The following SORCS2 variants were observed in gnomAD, a reference collection of about 807,000 sequenced individuals.
The protein encoded by SORCS2 is VPS10 domain-containing receptor SorCS2.
A neutral mutation model predicts 141.6 loss-of-function variants in SORCS2; 100 were observed. That is an observed-to-expected ratio of 0.71 (90% CI 0.60 to 0.83). The LOEUF (loss-of-function observed/expected upper bound fraction) is 0.83, where lower values mean the gene tolerates loss of function less well. Among genes scored for constraint, SORCS2 ranks in the 40% least tolerant of loss-of-function variants. The pLI, the probability that SORCS2 is intolerant of heterozygous loss-of-function variation, is 0.00. For missense variants in SORCS2, 1,646 were observed against 1,560.2 expected, an observed-to-expected ratio of 1.05 and a Z score of -0.93; for synonymous variants, 789 against 676.9, an observed-to-expected ratio of 1.17 and a Z score of -2.57.
intron 1 of SORCS2, among the ~76,000 whole-genome samples, chr4:7,210,285 C>T (rs1439270387): frequency 2.0e-5 from 3 of 152,130 alleles, no homozygotes; most frequent in Admixed American, 1.3e-4. Flanking sequence ...CCCTTATTAT[C>T]ACCATTATTT....
rs1405849447 is a variant in SORCS2, at chr4:7,192,709, C to A, written c.63C>A (p.Ser21Arg). The change falls in exon 1 of 27, where the codon AGC becomes AGA. Residue 21 changes from serine (S) to arginine (R), a missense_variant. Coordinates refer to ENST00000507866, the MANE Select transcript of SORCS2 (RefSeq NM_020777.3). The surrounding 1 kb of genome is among the most constrained non-coding windows in gnomAD (Gnocchi z 4.0). ...CCGGCCCCACCGCCCGAGCCCCGAG[C>A]CCCGGGGCTCCGCCGCCGCCGCGCT... Reference protein sequence around the residue: ...KGPGPTARAPSPGAPPPPRSP... With the variant: ...KGPGPTARAPRPGAPPPPRSP... 2 of 989,322 alleles carry A rather than the reference C, an allele frequency of 2.0e-6. No individual in the cohort carries two copies. The highest frequency in any genetic ancestry group is 9.0e-5 in the South Asian group (2 of 22,198). 61.3% of individuals were successfully genotyped at this position (989,322 alleles called of 1,614,324 possible).
At chr4:7,393,685 G>A (rs1371296345) in intron 1 of SORCS2, among the ~76,000 whole-genome samples, 2 of 152,180 alleles carry the variant, frequency 1.3e-5, no homozygotes, top group Non-Finnish European at 2.9e-5. Context: ...CATTGCGGGG[G>A]TTGCTGTAAC....
intron 1 of SORCS2, among the ~76,000 whole-genome samples, chr4:7,388,250 C>T (rs954918437): frequency 3.2e-4 from 48 of 152,318 alleles, no homozygotes; most frequent in Admixed American, 1.8e-3. Flanking sequence ...GCTGCAGTGA[C>T]TGGGAGGACA....
intron 19 of SORCS2, among the ~76,000 whole-genome samples, chr4:7,724,116 TGGTGGTGGTGGTGGTGGTGGTGGTG>T (rs1340477510): frequency 1.8e-4 from 13 of 73,314 alleles, no homozygotes; most frequent in Non-Finnish European, 3.0e-4. Context: ...GTGGTGGTGA[TGGTGGTGGTGGTGGTGGTGGTGGTG>T]ATGGTCGTGG....
intron 2 of SORCS2, among the ~76,000 whole-genome samples, chr4:7,424,614 C>T (rs962356535): frequency 4.6e-5 from 7 of 152,168 alleles, no homozygotes; most frequent in Non-Finnish European, 1.0e-4. Flanking sequence ...GGCAGGAGCG[C>T]CCCCCTCTGC....
intron 19 of SORCS2, among the ~76,000 whole-genome samples, chr4:7,724,147 C>CAGTACTG (rs1726821621): frequency 5.4e-5 from 6 of 110,518 alleles, no homozygotes; most frequent in African/African-American, 2.3e-4. Context: ...TGGTGATGGT[C>CAGTACTG]GTGGTGGTGG....
chr4:7,371,721 C>T (rs1405288232), intron 1 of SORCS2, among the ~76,000 whole-genome samples: 2 of 152,192 alleles, frequency 1.3e-5, no homozygotes, highest in Non-Finnish European at 2.9e-5. Flanking sequence ...TACACACTGA[C>T]CCCGGGAGCC....
chr4:7,387,533 A>G (rs1723469873), intron 1 of SORCS2, among the ~76,000 whole-genome samples: 1 of 140,104 alleles, frequency 7.1e-6, no homozygotes, highest in African/African-American at 2.8e-5. Context: ...ATATGCACAC[A>G]TGCACACACA....
chr4:7,303,778 C>A (rs1362838770), intron 1 of SORCS2, among the ~76,000 whole-genome samples: 1 of 152,272 alleles, frequency 6.6e-6, no homozygotes, highest in Non-Finnish European at 1.5e-5. Context: ...AAGGCCAAGT[C>A]AGAGCGCAGG....
chr4:7,670,539 T>A (rs1318397931), intron 8 of SORCS2, among the ~76,000 whole-genome samples: 1 of 152,148 alleles, frequency 6.6e-6, no homozygotes, highest in African/African-American at 2.4e-5. Context: ...GACATCAGGA[T>A]CAGGTAAGAT....
At position 7,460,372 on chromosome 4, in the gene SORCS2, C is replaced by T. The variant is rs73093606; in HGVS notation, c.548+64017C>T. Among the ~76,000 whole-genome samples the T allele has an allele frequency of 7.5e-3, 1,138 of 152,370 alleles. 10 individuals carry two copies. Among genetic ancestry groups the T allele is most frequent in the Middle Eastern group, 0.024 (7 of 294 alleles). On this transcript the variant is annotated intron_variant, in intron 2 of 26. Transcript: ENST00000507866. Reference sequence around the variant, plus strand: ...TGGCCAACGCAGCTTCCACGGGCCCCTGCACACTTCTAAGGTCCAGACATT... The same window carrying T: ...TGGCCAACGCAGCTTCCACGGGCCCTTGCACACTTCTAAGGTCCAGACATT...
At chr4:7,343,858 C>T (rs1467555660) in intron 1 of SORCS2, among the ~76,000 whole-genome samples, 1 of 152,136 alleles carries the variant, frequency 6.6e-6, no homozygotes, top group Admixed American at 6.5e-5. Flanking sequence ...GTTGACAGGC[C>T]CTGTTGGAGG....
intron 1 of SORCS2, among the ~76,000 whole-genome samples, chr4:7,294,256 G>A (rs963080030): frequency 2.8e-4 from 42 of 152,180 alleles, no homozygotes; most frequent in African/African-American, 8.7e-4. Flanking sequence ...GGCAGATTTG[G>A]GGTGGGGCAA....
intron 4 of SORCS2, among the ~76,000 whole-genome samples, chr4:7,649,863 C>T (rs934615671): frequency 2.6e-5 from 4 of 152,110 alleles, no homozygotes; most frequent in Non-Finnish European, 5.9e-5. Context: ...GTCGTTGGTT[C>T]GTCATAAGGT....
chr4:7,528,624 C>T (rs1733846436), intron 2 of SORCS2, among the ~76,000 whole-genome samples: 1 of 152,086 alleles, frequency 6.6e-6, no homozygotes, highest in South Asian at 2.1e-4. Context: ...CGAGGTTTCA[C>T]CATGTTGGCC....
rs1242391938 is a variant in SORCS2, at chr4:7,674,866, C to T, written c.1162-1184C>T. Among the ~76,000 whole-genome samples the T allele has an allele frequency of 4.6e-5, 7 of 151,900 alleles. No individual in the cohort carries two copies. The East Asian group carries it at 1.3e-3, about 29-fold the overall frequency. ...ATCAGATGAGAACATGCGAAGGGAG[C>T]CATCCCCAAGCATCCCAGCCACAGC... On this transcript the variant is annotated intron_variant, in intron 8 of 26. Coordinates refer to ENST00000507866, the MANE Select transcript of SORCS2 (RefSeq NM_020777.3).
chr4:7,691,956 T>G (rs1229536359), intron 11 of SORCS2, among the ~76,000 whole-genome samples: 1 of 151,682 alleles, frequency 6.6e-6, no homozygotes, highest in East Asian at 1.9e-4. Context: ...CCTCACTCTG[T>G]GGGGGTGTCA....
chr4:7,730,092 G>A (rs980507737), intron 23 of SORCS2, among the ~76,000 whole-genome samples: 3 of 152,148 alleles, frequency 2.0e-5, no homozygotes, highest in African/African-American at 7.2e-5. Context: ...TCGGGGCCGA[G>A]CAGAAGTCAG....
At chr4:7,389,847 G>A (rs1723745299) in intron 1 of SORCS2, among the ~76,000 whole-genome samples, 2 of 152,184 alleles carry the variant, frequency 1.3e-5, no homozygotes, top group African/African-American at 4.8e-5. Context: ...TGAGAGTGGA[G>A]GGAACCAGAC....
Sources: gnomAD v4.1 joint callset for allele counts (sites outside exome capture counted in the v4.1 genomes callset) on GRCh38, gnomAD v4.1.1 for gene constraint, Gnocchi (gnomAD v3.1) non-coding constraint, MANE v1.5 for transcripts, NCBI Gene and HGNC (gene_info 2026-07-23, HGNC 2026-07-21) for gene names.